The following FER1L6 variants were observed in gnomAD, a reference collection of about 807,000 sequenced individuals.
FER1L6 encodes fer-1 like family member 6.
In FER1L6, 177 loss-of-function variants were observed where a neutral mutation model predicts 219.2. That is an observed-to-expected ratio of 0.81 (90% CI 0.71 to 0.91). The LOEUF is 0.91. Ranked by LOEUF, FER1L6 falls within the 40% of genes least tolerant of loss-of-function variation. The pLI is 0.00. For missense variants in FER1L6, 2,153 were observed against 2,259.9 expected (o/e 0.95, Z 0.96); for synonymous variants, 768 against 824.3 (o/e 0.93, Z 1.17).
chr8:124,038,652 T>C (rs1819326534), intron 19 of FER1L6, among the ~76,000 whole-genome samples: 1 of 152,200 alleles, frequency 6.6e-6, no homozygotes, highest in African/African-American at 2.4e-5. Flanking sequence ...GAGGAACTAT[T>C]ATTACCTCGA....
chr8:124,107,293 A>G (rs1279146908), intron 39 of FER1L6, among the ~76,000 whole-genome samples: 4 of 152,208 alleles, frequency 2.6e-5, no homozygotes, highest in Non-Finnish European at 5.9e-5. Flanking sequence ...TACTGAGCAC[A>G]TAAGTGCTCA....
At chr8:123,905,305 C>T (rs137915657) in intron 1 of FER1L6, among the ~76,000 whole-genome samples, 86 of 152,220 alleles carry the variant, frequency 5.6e-4, no homozygotes, top group African/African-American at 2.0e-3. Flanking sequence ...TTGTTCGGCT[C>T]CCAGTTTTAA....
chr8:124,060,146 C>A, intron 22 of FER1L6, 34 bp from the exon 23 acceptor site: 1 of 1,541,050 alleles, frequency 6.5e-7, no homozygotes, highest in Non-Finnish European at 9.0e-7. Context: ...CTGTGTCTCT[C>A]CAGCATCTAA....
At chr8:124,005,353 A>G (rs1817609823) in intron 13 of FER1L6, among the ~76,000 whole-genome samples, 1 of 152,192 alleles carries the variant, frequency 6.6e-6, no homozygotes, top group African/African-American at 2.4e-5. Flanking sequence ...TGGCCACTCC[A>G]CAAATTCTTT....
intron 1 of FER1L6, among the ~76,000 whole-genome samples, chr8:123,954,380 TC>T (rs1236789981): frequency 1.4e-4 from 22 of 152,166 alleles, no homozygotes; most frequent in Non-Finnish European, 2.9e-4. Flanking sequence ...GCAAAGTAGT[TC>T]ACTCCACTGT....
chr8:123,993,507 G>A (rs1312156122), intron 12 of FER1L6, among the ~76,000 whole-genome samples: 1 of 152,034 alleles, frequency 6.6e-6, no homozygotes, highest in Non-Finnish European at 1.5e-5. Flanking sequence ...TGAGCACCAG[G>A]GCTGCCTGAC....
intron 11 of FER1L6, chr8:123,984,772 G>A (rs1007061331): frequency 2.6e-5 from 4 of 152,144 alleles, no homozygotes; most frequent in Non-Finnish European, 4.4e-5. Flanking sequence ...TTCACCTAAT[G>A]ATATGGAAAC....
intron 6 of FER1L6, among the ~76,000 whole-genome samples, chr8:123,970,706 G>T (rs1440504484): frequency 6.6e-6 from 1 of 152,136 alleles, no homozygotes; most frequent in East Asian, 1.9e-4. Flanking sequence ...CCTCAGCTCT[G>T]CCAGGGGAAG....
In FER1L6 at chr8:124,035,308, T is replaced by C; in HGVS notation, c.2318T>C (p.Val773Ala). 1 of 1,614,134 alleles carries C rather than the reference T, an allele frequency of 6.2e-7. No individual in the cohort carries two copies. The highest frequency in any genetic ancestry group is 8.5e-7 in the Non-Finnish European group (1 of 1,179,982). The change falls in exon 19 of 41, where the codon GTG becomes GCG. Residue 773 changes from valine (V) to alanine (A), a missense_variant. Val to Ala is a moderately conservative substitution (Grantham distance 64). Transcript: ENST00000522917. ...PPGKRPAGWS[V>A]QAKVDVYLWL... ...GGGAAACGACCGGCTGGTTGGTCTG[T>C]GCAAGCAAAAGTCGACGTGTACCTG...
At chr8:124,026,557 A>T (rs949141592) in intron 18 of FER1L6, among the ~76,000 whole-genome samples, 2 of 152,162 alleles carry the variant, frequency 1.3e-5, no homozygotes, top group African/African-American at 4.8e-5. Flanking sequence ...CATTACAGGG[A>T]AATAGTTTCC....
chr8:123,937,886 A>G (rs1222788150), intron 1 of FER1L6, among the ~76,000 whole-genome samples: 2 of 152,258 alleles, frequency 1.3e-5, no homozygotes, highest in Non-Finnish European at 2.9e-5. Context: ...ATGACAGCAT[A>G]AAACATAGTA....
chr8:123,976,599 G>T (rs1055087042), intron 9 of FER1L6, among the ~76,000 whole-genome samples: 5 of 152,084 alleles, frequency 3.3e-5, no homozygotes, highest in African/African-American at 7.2e-5. Context: ...ATGGAAAGGA[G>T]CTATGCGTGG....
chr8:124,052,329 C>T (rs187835815), intron 22 of FER1L6, among the ~76,000 whole-genome samples: 2 of 152,230 alleles, frequency 1.3e-5, no homozygotes, highest in East Asian at 1.9e-4. Flanking sequence ...TCATGTGTCT[C>T]GAATATCTCT....
intron 1 of FER1L6, among the ~76,000 whole-genome samples, chr8:123,907,225 G>A (rs149172458): frequency 1.8e-3 from 274 of 152,218 alleles, no homozygotes; most frequent in African/African-American, 6.4e-3. Flanking sequence ...TAATAATCAG[G>A]CACCCTAAAG....
chr8:124,020,553 A>G (rs559489734), intron 16 of FER1L6, among the ~76,000 whole-genome samples: 2 of 152,286 alleles, frequency 1.3e-5, no homozygotes, highest in South Asian at 4.2e-4. Flanking sequence ...GGGTTTTCCA[A>G]CCACTTATAC....
chr8:123,861,893 T>A (rs1586425681), intron 1 of FER1L6, among the ~76,000 whole-genome samples: 1 of 114,812 alleles, frequency 8.7e-6, no homozygotes, highest in African/African-American at 3.6e-5. Flanking sequence ...GACGATGGGG[T>A]TTTCTAGATA....
At chr8:124,096,736 T>C (rs4870888) in intron 35 of FER1L6, among the ~76,000 whole-genome samples, 59,018 of 151,994 alleles carry the variant, frequency 0.39, 12,090 homozygotes, top group South Asian at 0.51. Flanking sequence ...GGGTGAACAT[T>C]AACAGAGATA....
rs763911687 is a variant in FER1L6 at position 124,119,815 on chromosome 8, C to T, written c.*25C>T. 8.7e-6 allele frequency: 14 copies of T among 1,608,830 alleles called. No homozygotes were observed. The African/African-American group carries it at 9.4e-5, about 11-fold the overall frequency. On this transcript the variant is annotated 3_prime_UTR_variant, in exon 41 of 41. Transcript: ENST00000522917. Reference sequence around the variant, plus strand: ...GAGGATCATGGAGGACCCAGATCCTCGCCATATACTAATCCTCTCTTCCTT... The same window carrying T: ...GAGGATCATGGAGGACCCAGATCCTTGCCATATACTAATCCTCTCTTCCTT...
chr8:124,110,749 GATTCACA>G, intron 39 of FER1L6, among the ~76,000 whole-genome samples: 1 of 152,168 alleles, frequency 6.6e-6, no homozygotes, highest in Non-Finnish European at 1.5e-5. Context: ...CATTGTTCTA[GATTCACA>G]TGGTCATCGA....
Sources: gnomAD v4.1 joint callset for allele counts (sites outside exome capture counted in the v4.1 genomes callset) on GRCh38, gnomAD v4.1.1 for gene constraint, MANE v1.5 for transcripts, NCBI Gene and HGNC (gene_info 2026-07-23, HGNC 2026-07-21) for gene names.